The following HSDL1 variants were observed in gnomAD, a reference collection of about 807,000 sequenced individuals.
HSDL1 encodes inactive hydroxysteroid dehydrogenase-like protein 1.
HSDL1 carries 29 observed loss-of-function variants against 31.5 expected under a neutral mutation model. The ratio of observed to expected loss-of-function variants is 0.92; its 90% CI spans 0.69 to 1.26. The LOEUF is 1.26. Among genes scored for constraint, HSDL1 ranks in the 50% most tolerant of loss-of-function variants. The pLI is 0.00. For synonymous variants in HSDL1, 222 were observed against 155.2 expected (o/e 1.43, Z -3.20); for missense variants, 503 against 416.6 (o/e 1.21, Z -1.81).
chr16:84,127,526 C>T (rs1483149196), intron 5 of HSDL1, among the ~76,000 whole-genome samples: 1 of 151,302 alleles, frequency 6.6e-6, no homozygotes, highest in Non-Finnish European at 1.5e-5. Context: ...ACCAAAACTG[C>T]TTCTTATTAA....
At chr16:84,144,626 A>C (rs1422623848) in intron 1 of HSDL1, among the ~76,000 whole-genome samples, 1 of 152,192 alleles carries the variant, frequency 6.6e-6, no homozygotes, top group Non-Finnish European at 1.5e-5. Flanking sequence ...AATGAGAATA[A>C]AGAAGCACCG....
chr16:84,132,811 A>C (rs904362766), intron 2 of HSDL1, among the ~76,000 whole-genome samples: 1 of 152,122 alleles, frequency 6.6e-6, no homozygotes, highest in Non-Finnish European at 1.5e-5. Context: ...GCGAAAGACA[A>C]AATATCAAAA....
At position 84,130,171 on chromosome 16, in the gene HSDL1, A is replaced by G. The variant is rs767928884; in HGVS notation, c.481T>C (p.Tyr161His). 4 of 1,614,244 alleles carry G rather than the reference A, an allele frequency of 2.5e-6. No homozygotes were observed. In the South Asian group the frequency reaches 4.4e-5, roughly 18 times the overall value. The part of the protein sequence containing the change: ...NVGVFYPYPQ[Y>H]FTQLSEDKLW... ...TTGTCCTCGGACAGCTGAGTGAAATACTGCGGGTAGGGATAAAACACACCC... is the reference window on the plus strand; with the variant it reads ...TTGTCCTCGGACAGCTGAGTGAAATGCTGCGGGTAGGGATAAAACACACCC... The change falls in exon 4 of 6, where the codon TAT (tyrosine) becomes CAT (histidine). Residue 161 changes from tyrosine (Y) to histidine (H), a missense_variant. Physicochemically the swap from Tyr to His is moderately conservative, Grantham distance 83. Transcript: ENST00000219439.
At chr16:84,142,578 G>A (rs1473901537) in intron 1 of HSDL1, among the ~76,000 whole-genome samples, 1 of 151,806 alleles carries the variant, frequency 6.6e-6, no homozygotes, top group African/African-American at 2.4e-5. Context: ...TGGGACTACA[G>A]GCGTGTGCCA....
chr16:84,130,323 T>A lies in HSDL1; in HGVS notation c.329A>T (p.Asp110Val), dbSNP rs1359185752. ...NEEKLQVVAK[D>V]IADTYKVETD... ...TTCCACTTTGTACGTGTCGGCTATG[T>A]CTTTAGCAACAACCTGCAACTTCTC... The change falls in exon 4 of 6, where the codon GAC (aspartate) becomes GTC (valine). Residue 110 changes from aspartate (D) to valine (V), a missense_variant. Asp to Val is a radical substitution (Grantham distance 152). Transcript: ENST00000219439. 1 of 1,614,228 alleles carries A rather than the reference T, an allele frequency of 6.2e-7. No homozygotes were observed. The highest frequency in any genetic ancestry group is 2.2e-5 in the East Asian group (1 of 44,888).
intron 1 of HSDL1, among the ~76,000 whole-genome samples, chr16:84,142,430 CTTTTTTTTTTT>C (rs34954052): frequency 7.2e-4 from 59 of 81,420 alleles, no homozygotes; most frequent in African/African-American, 3.2e-3. Flanking sequence ...TCTCACACAT[CTTTTTTTTTTT>C]TTTTTTTTTT....
intron 5 of HSDL1, among the ~76,000 whole-genome samples, chr16:84,127,068 T>C (rs1597371782): frequency 6.6e-6 from 1 of 152,280 alleles, no homozygotes. Context: ...AAACATCTAC[T>C]GCACCTAAAC....
chr16:84,137,859 T>A (rs2086726786), intron 1 of HSDL1, among the ~76,000 whole-genome samples: 1 of 152,240 alleles, frequency 6.6e-6, no homozygotes, highest in African/African-American at 2.4e-5. Context: ...CACTTAGGCA[T>A]ATGTAGATAA....
Position 84,135,566 on chromosome 16 carries a change from C to T in HSDL1, c.-29G>A, listed in dbSNP as rs888386455. 1.3e-5 allele frequency: 2 copies of T among 152,178 alleles called. No homozygotes were observed. Among genetic ancestry groups the T allele is most frequent in the African/African-American group, 4.8e-5 (2 of 41,446 alleles). The allele number at this position is 152,178 out of a possible 1,614,324, so 9.4% of individuals were successfully genotyped here. ...TACCTTCTCTCTGCCAGTTCTGGGC[C>T]GTCAGCAGTATGTGGCTCCGTCCTT... is the stretch of plus-strand genomic sequence containing the variant. On this transcript the variant is annotated 5_prime_UTR_variant, in exon 2 of 6. Transcript: ENST00000219439.
chr16:84,139,509 A>G (rs2086745669), intron 1 of HSDL1, among the ~76,000 whole-genome samples: 1 of 152,208 alleles, frequency 6.6e-6, no homozygotes, highest in Non-Finnish European at 1.5e-5. Flanking sequence ...CTCCAGAGGA[A>G]CACAGCCCTG....
chr16:84,127,598 T>G (rs886153098), intron 5 of HSDL1, among the ~76,000 whole-genome samples: 1 of 151,374 alleles, frequency 6.6e-6, no homozygotes, highest in Non-Finnish European at 1.5e-5. Context: ...TATTTGGTAG[T>G]GGCAAATCTA....
chr16:84,132,024 TA>T (rs2086674701), intron 2 of HSDL1, among the ~76,000 whole-genome samples: 1 of 152,228 alleles, frequency 6.6e-6, no homozygotes, highest in Non-Finnish European at 1.5e-5. Context: ...CCGTAGCTTA[TA>T]AAGTTACTTT....
intron 1 of HSDL1, among the ~76,000 whole-genome samples, chr16:84,143,799 C>T (rs1163718675): frequency 6.7e-6 from 1 of 150,228 alleles, no homozygotes; most frequent in Non-Finnish European, 1.5e-5. Context: ...GAGTTCAAGG[C>T]TACCCTGACC....
chr16:84,132,213 G>A (rs1283873221), intron 2 of HSDL1, among the ~76,000 whole-genome samples: 1 of 152,162 alleles, frequency 6.6e-6, no homozygotes, highest in South Asian at 2.1e-4. Flanking sequence ...AGAGGTACAT[G>A]TATTTCTTTG....
intron 5 of HSDL1, 148 bp from the exon 6 acceptor site, chr16:84,124,876 C>G (rs1038850563): frequency 2.7e-5 from 15 of 560,500 alleles, no homozygotes; most frequent in Non-Finnish European, 4.5e-5. Context: ...ACAACAAATA[C>G]CCACCAATCA....
chr16:84,143,400 C>T (rs1318411965), intron 1 of HSDL1, among the ~76,000 whole-genome samples: 2 of 152,160 alleles, frequency 1.3e-5, no homozygotes, highest in East Asian at 3.9e-4. Context: ...CCAGCATAAG[C>T]AAATCCATAG....
At chr16:84,129,467 G>A (rs1008430514) in intron 5 of HSDL1, 81 bp downstream of exon 5, 2 of 1,007,124 alleles carry the variant, frequency 2.0e-6, no homozygotes, top group Non-Finnish European at 3.1e-6. Context: ...CTCATCTTAG[G>A]CTTTAATCAG....
At chr16:84,142,101 T>C (rs539431333) in intron 1 of HSDL1, among the ~76,000 whole-genome samples, 2 of 152,138 alleles carry the variant, frequency 1.3e-5, no homozygotes, top group Admixed American at 1.3e-4. Flanking sequence ...TAAATTTTTT[T>C]TGTGTGTGTA....
intron 5 of HSDL1, 51 bp from the exon 6 acceptor site, chr16:84,124,779 T>C: frequency 8.0e-7 from 1 of 1,256,780 alleles, no homozygotes; most frequent in Middle Eastern, 1.9e-4. Context: ...AAATCAACAC[T>C]GAAGGAACAA....
Sources: allele counts gnomAD v4.1 joint callset (sites outside exome capture counted in the v4.1 genomes callset), GRCh38; gene constraint gnomAD v4.1.1; transcripts MANE v1.5; gene names NCBI Gene and HGNC (gene_info 2026-07-23, HGNC 2026-07-21).